The following SORCS1 variants were observed in gnomAD, a reference collection of about 807,000 sequenced individuals.
SORCS1 encodes sortilin related VPS10 domain containing receptor 1.
SORCS1 carries 60 observed loss-of-function variants against 146.1 expected under a neutral mutation model. That is an observed-to-expected ratio of 0.41 (90% confidence interval 0.33 to 0.51). SORCS1 has a LOEUF of 0.51. Among genes scored for constraint, SORCS1 ranks in the 20% least tolerant of loss-of-function variants. The pLI is 0.21. For missense variants in SORCS1, 1,352 were observed against 1,487.6 expected, an observed-to-expected ratio of 0.91 and a Z score of 1.50; for synonymous variants, 637 against 584.0, an observed-to-expected ratio of 1.09 and a Z score of -1.31.
chr10:106,811,929 T>G (rs1300831394), intron 3 of SORCS1, among the ~76,000 whole-genome samples: 3 of 151,994 alleles, frequency 2.0e-5, no homozygotes, highest in African/African-American at 7.3e-5. Context: ...ATCCACTCAC[T>G]GAATCTTCAT....
At chr10:107,058,687 T>C (rs1960883036) in intron 1 of SORCS1, among the ~76,000 whole-genome samples, 1 of 152,152 alleles carries the variant, frequency 6.6e-6, no homozygotes. Flanking sequence ...AATACTTATC[T>C]CATAGGGTGG....
intron 5 of SORCS1, among the ~76,000 whole-genome samples, chr10:106,742,561 G>A (rs1304883615): frequency 6.6e-6 from 1 of 152,108 alleles, no homozygotes; most frequent in Non-Finnish European, 1.5e-5. Context: ...TGTATTTTTA[G>A]TGGAAATGAG....
intron 2 of SORCS1, among the ~76,000 whole-genome samples, chr10:106,944,083 C>T (rs1364335613): frequency 1.3e-5 from 2 of 152,018 alleles, no homozygotes; most frequent in Non-Finnish European, 1.5e-5. Context: ...AAAGGTTGGC[C>T]CCTTCTCATC....
intron 2 of SORCS1, among the ~76,000 whole-genome samples, chr10:106,890,977 C>T (rs1006423146): frequency 6.6e-6 from 1 of 152,106 alleles, no homozygotes; most frequent in Non-Finnish European, 1.5e-5. Context: ...ACATGTGTTC[C>T]TGATTCAAGG....
chr10:106,682,278 GA>G (rs1365171649), intron 10 of SORCS1, among the ~76,000 whole-genome samples: 1 of 152,024 alleles, frequency 6.6e-6, no homozygotes, highest in Non-Finnish European at 1.5e-5. Context: ...TTAATCTGAG[GA>G]AAAAAGACAC....
rs377059561 is a variant in SORCS1 at position 106,837,017 on chromosome 10, T to A, written c.627-7344A>T. On this transcript the variant is annotated intron_variant, in intron 2 of 25. Coordinates refer to ENST00000263054, the MANE Select transcript of SORCS1 (RefSeq NM_052918.5). Reference sequence around the variant, plus strand: ...ATTAGTTGGACTCCTAGCCCACTTATGTTGCCCAGTGCAATGCCAATACGT... The same window carrying A: ...ATTAGTTGGACTCCTAGCCCACTTAAGTTGCCCAGTGCAATGCCAATACGT... Among the ~76,000 whole-genome samples the A allele has an allele frequency of 3.3e-5, 5 of 152,348 alleles. No individual in the cohort carries two copies. The South Asian group carries it at 6.2e-4, about 19-fold the overall frequency.
chr10:106,709,292 C>T lies in SORCS1; in HGVS notation c.1074G>A (p.Arg358=). ...CAATGTAGCCTGGAAAAGGCTGATT[C>T]CTGTTGGCCTCTGTACAGTTCTGCA... ...CRMQNCTEAN[R]NQPFPGYIDP... Residue 358 remains arginine, a synonymous_variant, in exon 7 of 26, where the codon AGG becomes AGA. Coordinates refer to ENST00000263054, the MANE Select transcript of SORCS1 (RefSeq NM_052918.5). 1.2e-6 allele frequency: 2 copies of T among 1,613,876 alleles called. No homozygotes were observed. Among genetic ancestry groups the T allele is most frequent in the East Asian group, 2.2e-5 (1 of 44,854 alleles).
Position 106,709,241 on chromosome 10 carries a change from A to G in SORCS1, c.1125T>C (p.Asp375=). 6.2e-7 allele frequency: 1 copy of G among 1,613,312 alleles called. No individual in the cohort carries two copies. The highest frequency in any genetic ancestry group is 8.5e-7 in the Non-Finnish European group (1 of 1,179,406). ...TTCCTACCTGAACAAACACATAATG[A>G]TCCTGAACAATCAAAGAGTCTGGGT... The part of the protein sequence containing the change: ...YIDPDSLIVQ[D]HYVFVQLTSG... Residue 375 remains aspartate, a synonymous_variant, in exon 7 of 26, where the codon GAT becomes GAC. Transcript: ENST00000263054.
chr10:106,878,649 T>TATATATATATATATTTA (rs1491300730), intron 2 of SORCS1, among the ~76,000 whole-genome samples: 3 of 137,870 alleles, frequency 2.2e-5, no homozygotes, highest in Admixed American at 7.2e-5. Flanking sequence ...TATATATATA[T>TATATATATATATATTTA]TTTATAGCAG....
At chr10:107,031,072 G>A (rs1386261420) in intron 1 of SORCS1, among the ~76,000 whole-genome samples, 9 of 152,166 alleles carry the variant, frequency 5.9e-5, no homozygotes, top group Non-Finnish European at 1.3e-4. Flanking sequence ...TGAAGGGACA[G>A]CTCAGCCTAT....
intron 19 of SORCS1, among the ~76,000 whole-genome samples, chr10:106,625,200 CTGTGTGTGTG>C (rs3044907): frequency 0.032 from 4,430 of 140,114 alleles, 58 homozygotes; most frequent in South Asian, 0.045. Flanking sequence ...TTGTGTGATT[CTGTGTGTGTG>C]TGTGTGTGTG....
At chr10:106,820,244 C>A (rs1043364572) in intron 3 of SORCS1, among the ~76,000 whole-genome samples, 4 of 152,192 alleles carry the variant, frequency 2.6e-5, no homozygotes, top group Non-Finnish European at 5.9e-5. Flanking sequence ...AAAGATTTTT[C>A]TCTCCCAGCT....
intron 18 of SORCS1, 88 bp downstream of exon 18, chr10:106,652,294 G>A (rs1564819802): frequency 7.2e-7 from 1 of 1,382,900 alleles, no homozygotes; most frequent in Non-Finnish European, 9.6e-7. Flanking sequence ...AATGGAGAAA[G>A]TTGAAAAAGA....
At chr10:107,118,582 CT>C (rs1966195639) in intron 1 of SORCS1, among the ~76,000 whole-genome samples, 1 of 152,124 alleles carries the variant, frequency 6.6e-6, no homozygotes, top group Non-Finnish European at 1.5e-5. Flanking sequence ...CTGTGAGGGA[CT>C]TTGCAAAAAA....
At chr10:107,104,595 T>C (rs1198493299) in intron 1 of SORCS1, among the ~76,000 whole-genome samples, 1 of 152,148 alleles carries the variant, frequency 6.6e-6, no homozygotes, top group Non-Finnish European at 1.5e-5. Context: ...AAAAGCATGT[T>C]TAACAGGCCA....
intron 2 of SORCS1, among the ~76,000 whole-genome samples, chr10:106,891,504 C>CTTTTTTTTTTTTTTTTTTTTTTTT (rs760812204): frequency 0.011 from 1,057 of 97,118 alleles, 184 homozygotes; most frequent in Non-Finnish European, 0.016. Context: ...AATGGGAATT[C>CTTTTTTTTTTTTTTTTTTTTTTTT]TTTTTTTTTT....
chr10:106,578,816 A>T (rs1346775795), intron 25 of SORCS1: 1 of 1,299,208 alleles, frequency 7.7e-7, no homozygotes, highest in African/African-American at 1.5e-5. Flanking sequence ...GCCCATAAAC[A>T]TATAACATTT....
chr10:106,855,303 T>A (rs1490593301), intron 2 of SORCS1, among the ~76,000 whole-genome samples: 1 of 152,192 alleles, frequency 6.6e-6, no homozygotes, highest in Non-Finnish European at 1.5e-5. Context: ...TTTTTTTAAA[T>A]CTTTGATTAT....
chr10:106,678,054 G>A (rs1852165919), intron 12 of SORCS1, among the ~76,000 whole-genome samples: 1 of 152,168 alleles, frequency 6.6e-6, no homozygotes, highest in South Asian at 2.1e-4. Context: ...AAGTCAAATG[G>A]AGACACAATG....
Sources: allele counts gnomAD v4.1 joint callset (sites outside exome capture counted in the v4.1 genomes callset), GRCh38; gene constraint gnomAD v4.1.1; transcripts MANE v1.5; gene names NCBI Gene and HGNC (gene_info 2026-07-23, HGNC 2026-07-21).